The following MON2 variants were observed in gnomAD, a reference collection of about 807,000 sequenced individuals.
The protein encoded by MON2 is MON2 regulator of endosome-to-Golgi trafficking.
Under a neutral mutation model 208.6 loss-of-function variants are expected in MON2, and 84 were observed. The observed-to-expected ratio is 0.40, with a 90% CI of 0.34 to 0.48. The LOEUF is 0.48. Ranked by LOEUF, MON2 falls within the 20% of genes least tolerant of loss-of-function variation. The probability of loss-of-function intolerance (pLI) is 0.59; values close to 1 mark genes in which losing one functional copy is unlikely to be tolerated. For missense variants in MON2, 1,611 were observed against 2,015.4 expected (o/e 0.80, Z 3.84); for synonymous variants, 660 against 694.0 (o/e 0.95, Z 0.77).
In MON2 at chr12:62,599,757, A is replaced by G. The variant is rs936161833; in HGVS notation, c.*7008A>G. The G allele has an allele frequency of 1.3e-5, 2 of 152,202 alleles. No homozygotes were observed. Among genetic ancestry groups the G allele is most frequent in the Non-Finnish European group, 2.9e-5 (2 of 68,030 alleles). 9.4% of individuals were successfully genotyped at this position (152,202 alleles called of 1,614,324 possible). A position where few individuals can be genotyped will look rare whatever the true frequency, so the allele number is the denominator to read the frequency against. Reference sequence around the variant, plus strand: ...ACAATAGTTTCATGTTTTACAGTCCATTAAAATCCAAGACTTATAAAATAA... The same window carrying G: ...ACAATAGTTTCATGTTTTACAGTCCGTTAAAATCCAAGACTTATAAAATAA... On this transcript the variant is annotated 3_prime_UTR_variant, in exon 35 of 35. Transcript: ENST00000393630.
chr12:62,574,478 G>A (rs2074706808), intron 30 of MON2, among the ~76,000 whole-genome samples: 1 of 152,096 alleles, frequency 6.6e-6, no homozygotes, highest in African/African-American at 2.4e-5. Context: ...CTGGCCTCAG[G>A]TGATTCTCCC....
At chr12:62,529,147 A>G (rs374828588) in intron 11 of MON2, among the ~76,000 whole-genome samples, 7 of 152,300 alleles carry the variant, frequency 4.6e-5, no homozygotes, top group Admixed American at 1.3e-4. Flanking sequence ...AATAGCCTCC[A>G]GCTCTAGAAC....
At chr12:62,503,601 A>G (rs1432416928) in intron 7 of MON2, among the ~76,000 whole-genome samples, 1 of 152,212 alleles carries the variant, frequency 6.6e-6, no homozygotes, top group Non-Finnish European at 1.5e-5. Context: ...TAAAAGATGA[A>G]GTGTCCTTAT....
At position 62,553,060 on chromosome 12, in the gene MON2, A is replaced by G. The variant is rs759985324; in HGVS notation, c.3096A>G (p.Leu1032=). The G allele has an allele frequency of 3.9e-5, 63 of 1,614,006 alleles. No individual in the cohort carries two copies. The highest frequency in any genetic ancestry group is 4.2e-5 in the Non-Finnish European group (49 of 1,180,004). The change falls in exon 24 of 35, where the codon CTA becomes CTG. Residue 1032 remains leucine, a synonymous_variant. Coordinates refer to ENST00000393630, the MANE Select transcript of MON2 (RefSeq NM_015026.3). ...WLCLYAKLGE[L]CVDPRPAVRK... is the part of the protein sequence containing the mutation. Reference sequence around the variant, plus strand: ...GTCTTTATGCAAAATTGGGTGAACTATGTGTGGATCCCCGTCCTGCTGTCA... The same window carrying G: ...GTCTTTATGCAAAATTGGGTGAACTGTGTGTGGATCCCCGTCCTGCTGTCA...
intron 6 of MON2, 105 bp from the exon 7 acceptor site, chr12:62,501,468 A>G: frequency 7.5e-7 from 1 of 1,337,908 alleles, no homozygotes; most frequent in Non-Finnish European, 1.0e-6. Context: ...GAGCAAAAAC[A>G]TGTATTATAT....
intron 1 of MON2, chr12:62,470,876 C>A (rs1592790592): frequency 2.7e-6 from 1 of 369,678 alleles, no homozygotes; most frequent in Non-Finnish European, 3.8e-6. Context: ...TATTTAGTAA[C>A]ATTGCCTTGA....
At chr12:62,512,862 G>T (rs1372879261) in intron 8 of MON2, among the ~76,000 whole-genome samples, 2 of 152,218 alleles carry the variant, frequency 1.3e-5, no homozygotes, top group Non-Finnish European at 1.5e-5. Context: ...CTAGGCAGAG[G>T]TTTCCAAACC....
chr12:62,483,027 C>A (rs538626337), intron 1 of MON2: 1 of 151,918 alleles, frequency 6.6e-6, no homozygotes, highest in African/African-American at 2.4e-5. Context: ...CAGCAAGATC[C>A]TGTCTCTAAA....
chr12:62,492,343 A>G (rs7301016), intron 2 of MON2, among the ~76,000 whole-genome samples: 17,004 of 150,498 alleles, frequency 0.11, 1,245 homozygotes, highest in Middle Eastern at 0.24. Context: ...GCCTCAAAAA[A>G]TAACTGATAG....
At chr12:62,546,274 T>G (rs2073478984) in intron 21 of MON2, among the ~76,000 whole-genome samples, 1 of 152,210 alleles carries the variant, frequency 6.6e-6, no homozygotes, top group South Asian at 2.1e-4. Flanking sequence ...TATCTAGAGA[T>G]ATATTTCCTT....
chr12:62,495,631 A>G (rs2070430886), intron 4 of MON2, among the ~76,000 whole-genome samples: 1 of 144,894 alleles, frequency 6.9e-6, no homozygotes. Flanking sequence ...CAGAGCTTGC[A>G]GTGAGCCGAG....
intron 5 of MON2, among the ~76,000 whole-genome samples, chr12:62,500,043 A>G (rs2136077095): frequency 6.6e-6 from 1 of 152,294 alleles, no homozygotes; most frequent in African/African-American, 2.4e-5. Context: ...AAAATATTCA[A>G]AATCATATTG....
chr12:62,527,566 A>G (rs1413878977), intron 11 of MON2, among the ~76,000 whole-genome samples: 1 of 152,226 alleles, frequency 6.6e-6, no homozygotes, highest in Non-Finnish European at 1.5e-5. Flanking sequence ...TTAATTATCT[A>G]GTTCACCTTC....
At position 62,518,255 on chromosome 12, in the gene MON2, C is replaced by T. The variant is rs181083148; in HGVS notation, c.985-6260C>T. On this transcript the variant is annotated intron_variant, in intron 8 of 34. Transcript: ENST00000393630. ...AAATATCATCCCACTGGGGAATAGG[C>T]TTCAACACATGAATTTTGGGGGTGT... 3.3e-5 allele frequency among the ~76,000 whole-genome samples: 5 copies of T among 152,340 alleles called. No homozygotes were observed. The South Asian group carries it at 6.2e-4, about 19-fold the overall frequency.
chr12:62,474,630 G>A (rs1161921614), intron 1 of MON2, among the ~76,000 whole-genome samples: 9 of 151,592 alleles, frequency 5.9e-5, no homozygotes, highest in African/African-American at 2.2e-4. Context: ...CTCTGTGTTG[G>A]TCAGGCTGGT....
rs1030383832 is a variant in MON2, at chr12:62,599,659, T to C, written c.*6910T>C. 1.3e-5 allele frequency: 2 copies of C among 152,184 alleles called. No homozygotes were observed. The highest frequency in any genetic ancestry group is 4.8e-5 in the African/African-American group (2 of 41,440). 9.4% of individuals were successfully genotyped at this position (152,184 alleles called of 1,614,324 possible). On this transcript the variant is annotated 3_prime_UTR_variant, in exon 35 of 35. Transcript: ENST00000393630. ...GATTAGGGGGTTGAAGTGAGCTGCCTAGAGTCACATACCTAAAGTCCAGGT... is the reference window on the plus strand; with the variant it reads ...GATTAGGGGGTTGAAGTGAGCTGCCCAGAGTCACATACCTAAAGTCCAGGT...
chr12:62,485,362 A>G (rs2069708405), intron 2 of MON2, among the ~76,000 whole-genome samples: 1 of 152,266 alleles, frequency 6.6e-6, no homozygotes, highest in Non-Finnish European at 1.5e-5. Context: ...AAGGGATACC[A>G]GTAAATCTGT....
chr12:62,552,358 C>T (rs1298922117), intron 23 of MON2, among the ~76,000 whole-genome samples: 1 of 152,024 alleles, frequency 6.6e-6, no homozygotes, highest in Admixed American at 6.6e-5. Context: ...TGGATAGCAC[C>T]TCCTTTATTT....
intron 1 of MON2, among the ~76,000 whole-genome samples, chr12:62,474,264 G>A (rs1238682222): frequency 5.3e-5 from 8 of 151,588 alleles, no homozygotes; most frequent in African/African-American, 1.5e-4. Flanking sequence ...GATTACAGGC[G>A]CCTGCCACCA....
Sources: gnomAD v4.1 joint callset for allele counts (sites outside exome capture counted in the v4.1 genomes callset) on GRCh38, gnomAD v4.1.1 for gene constraint, MANE v1.5 for transcripts, NCBI Gene and HGNC (gene_info 2026-07-23, HGNC 2026-07-21) for gene names.